ELOVL2: variants seen among roughly 807,000 people sequenced by gnomAD.
ELOVL2 encodes very long chain fatty acid elongase 2.
ELOVL2 carries 38 observed loss-of-function variants against 37.7 expected under a neutral mutation model. That is an observed-to-expected ratio of 1.01 (90% confidence interval 0.78 to 1.32). ELOVL2 has a LOEUF of 1.32. Ranked by LOEUF, ELOVL2 falls within the 40% of genes most tolerant of loss-of-function variation. The pLI is 0.00. For missense variants in ELOVL2, 352 were observed against 363.6 expected, an observed-to-expected ratio of 0.97 and a Z score of 0.26; for synonymous variants, 115 against 122.3, an observed-to-expected ratio of 0.94 and a Z score of 0.40.
intron 1 of ELOVL2, among the ~76,000 whole-genome samples, chr6:11,031,079 A>AT (rs573152995): frequency 5.3e-5 from 8 of 151,862 alleles, no homozygotes; most frequent in African/African-American, 1.2e-4. Context: ...GTCATTCAAG[A>AT]TTTTTTTTTG....
intron 1 of ELOVL2, among the ~76,000 whole-genome samples, chr6:11,041,976 C>A (rs1783104267): frequency 6.7e-6 from 1 of 149,500 alleles, no homozygotes; most frequent in Non-Finnish European, 1.5e-5. Context: ...TAAATTCAAC[C>A]CCCTAACTTT....
intron 1 of ELOVL2, among the ~76,000 whole-genome samples, chr6:11,015,198 T>C (rs1782650344): frequency 6.6e-6 from 1 of 152,052 alleles, no homozygotes; most frequent in Admixed American, 6.6e-5. Context: ...GGCTGGGGAC[T>C]GCAGAAGAAG....
Position 11,039,631 on chromosome 6 carries a change from T to C in ELOVL2, c.3+4597A>G, listed in dbSNP as rs116368218. 1.3e-3 allele frequency among the ~76,000 whole-genome samples: 196 copies of C among 152,322 alleles called. 3 individuals carry two copies. Among genetic ancestry groups the C allele is most frequent in the African/African-American group, 4.1e-3 (170 of 41,564 alleles). On this transcript the variant is annotated intron_variant, in intron 1 of 7. Transcript: ENST00000354666. ...TTGAAACATAAAATAAATAGTCATA[T>C]AATTTCTCTACTGTACTACAGACTA... is the stretch of plus-strand genomic sequence containing the variant.
At chr6:11,014,318 A>C (rs140689333) in intron 1 of ELOVL2, among the ~76,000 whole-genome samples, 2 of 152,076 alleles carry the variant, frequency 1.3e-5, no homozygotes, top group African/African-American at 4.8e-5. Context: ...AGCTCTACTA[A>C]ATATACAAAA....
chr6:10,983,901 G>A lies in ELOVL2; in HGVS notation c.771C>T (p.Tyr257=). 1 of 1,611,270 alleles carries A rather than the reference G, an allele frequency of 6.2e-7. No individual in the cohort carries two copies. The highest frequency in any genetic ancestry group is 8.5e-7 in the Non-Finnish European group (1 of 1,178,798). ...TATCTTTCTTCATTGGCTTTTTTCG[G>A]TATGTCTGTTGGATGTGTATATTTT... ...ILFLNFYVQT[Y]RKKPMKKDMQ... Residue 257 remains tyrosine, a synonymous_variant, in exon 8 of 8, where the codon TAC becomes TAT. Transcript: ENST00000354666.
In ELOVL2 at chr6:11,044,237, C is replaced by CA. The variant is rs1344313254; in HGVS notation, c.-8dup. 1 of 1,377,514 alleles carries CA rather than the reference C, an allele frequency of 7.3e-7. No homozygotes were observed. The highest frequency in any genetic ancestry group is 1.8e-5 in the South Asian group (1 of 56,164). 85.3% of individuals were successfully genotyped at this position (1,377,514 alleles called of 1,614,324 possible). On this transcript the variant is annotated 5_prime_UTR_variant, in exon 1 of 8. Coordinates refer to ENST00000354666, the MANE Select transcript of ELOVL2 (RefSeq NM_017770.4). The surrounding 1 kb of genome is among the most constrained non-coding windows in gnomAD (Gnocchi z 5.6). ...GCGCGGCCCCACTCACCATGATCCG[C>CA]AGCGGCTGTGGCGCGGCGACCCGGG...
At chr6:11,018,552 C>T (rs537236368) in intron 1 of ELOVL2, among the ~76,000 whole-genome samples, 11 of 152,226 alleles carry the variant, frequency 7.2e-5, no homozygotes, top group African/African-American at 2.4e-4. Context: ...CTTTAATGTT[C>T]GTAAGTCACC....
rs1485414087 is a variant in ELOVL2, at chr6:11,024,254, C to T, written c.4-13445G>A. 2.6e-5 allele frequency among the ~76,000 whole-genome samples: 4 copies of T among 152,144 alleles called. 1 individual carries two copies. The highest frequency in any genetic ancestry group is 7.2e-5 in the African/African-American group (3 of 41,444). On this transcript the variant is annotated intron_variant, in intron 1 of 7. Transcript: ENST00000354666. ...ATTATGTAAATGTAAGCCTCTGGCC[C>T]CCATTTTAAAATTGGCATTGTGTCA...
At chr6:11,021,362 A>C (rs1412422107) in intron 1 of ELOVL2, among the ~76,000 whole-genome samples, 3 of 152,200 alleles carry the variant, frequency 2.0e-5, no homozygotes, top group Admixed American at 6.5e-5. Context: ...CATTTGTGAA[A>C]AGCGTCTTTT....
At chr6:11,001,438 G>A (rs868401446) in intron 3 of ELOVL2, among the ~76,000 whole-genome samples, 5 of 152,310 alleles carry the variant, frequency 3.3e-5, no homozygotes, top group Admixed American at 6.5e-5. Flanking sequence ...TGGCTAGAGA[G>A]GACCCAGAAA....
chr6:11,002,991 G>GT (rs1453870558), intron 3 of ELOVL2, among the ~76,000 whole-genome samples: 1 of 152,184 alleles, frequency 6.6e-6, no homozygotes, highest in East Asian at 1.9e-4. Flanking sequence ...GAAAGTCTAA[G>GT]TTAAACTGCT....
chr6:10,991,083 T>C (rs930831066), intron 5 of ELOVL2, among the ~76,000 whole-genome samples: 11 of 152,144 alleles, frequency 7.2e-5, no homozygotes, highest in African/African-American at 2.7e-4. Context: ...GCCCCTGCCA[T>C]CAACCTCATG....
At chr6:10,993,936 A>C (rs1294292450) in intron 5 of ELOVL2, among the ~76,000 whole-genome samples, 1 of 118,770 alleles carries the variant, frequency 8.4e-6, no homozygotes, top group East Asian at 2.5e-4. Flanking sequence ...TTAACTCCTG[A>C]GCTCAAGCGA....
At chr6:11,013,364 G>A (rs1782616838) in intron 1 of ELOVL2, among the ~76,000 whole-genome samples, 1 of 152,198 alleles carries the variant, frequency 6.6e-6, no homozygotes, top group Non-Finnish European at 1.5e-5. Context: ...CAGTGTTAGT[G>A]AACTGGGGTG....
chr6:11,022,664 T>C (rs968321979), intron 1 of ELOVL2, among the ~76,000 whole-genome samples: 1 of 152,230 alleles, frequency 6.6e-6, no homozygotes, highest in Non-Finnish European at 1.5e-5. Flanking sequence ...GGTTATCAGA[T>C]ATAACTTTAT....
At chr6:11,000,226 G>GA in intron 3 of ELOVL2, 62 bp from the exon 4 acceptor site, 4 of 1,460,532 alleles carry the variant, frequency 2.7e-6, no homozygotes, top group Non-Finnish European at 3.8e-6. Context: ...GATACAGACT[G>GA]AATTTCCCAT....
intron 4 of ELOVL2, among the ~76,000 whole-genome samples, chr6:10,996,743 T>C (rs904727254): frequency 2.0e-4 from 30 of 150,618 alleles, no homozygotes; most frequent in Admixed American, 2.0e-3. Flanking sequence ...TTTGGGAGGC[T>C]GAGGCAGGTG....
intron 1 of ELOVL2, among the ~76,000 whole-genome samples, chr6:11,019,082 T>G (rs1005417735): frequency 2.0e-5 from 3 of 152,040 alleles, no homozygotes; most frequent in Admixed American, 1.3e-4. Flanking sequence ...ACAGTTATCA[T>G]AAGATTGCAT....
At chr6:10,990,671 C>CCCG (rs1782142902) in intron 5 of ELOVL2, among the ~76,000 whole-genome samples, 1 of 108,454 alleles carries the variant, frequency 9.2e-6, no homozygotes, top group Admixed American at 1.1e-4. Flanking sequence ...CAGAATGCCC[C>CCCG]CCCCCCGCCA....
Sources: gnomAD v4.1 joint callset for allele counts (sites outside exome capture counted in the v4.1 genomes callset) on GRCh38, gnomAD v4.1.1 for gene constraint, Gnocchi (gnomAD v3.1) non-coding constraint, MANE v1.5 for transcripts, NCBI Gene and HGNC (gene_info 2026-07-23, HGNC 2026-07-21) for gene names.